QTGAL: variants seen among roughly 807,000 people sequenced by gnomAD.
The protein encoded by QTGAL is queuosine-tRNA galactosyltransferase, also known as BGnT-like protein 1.
At chr17:83,048,632 C>G in the QTGAL span, 1 of 1,607,072 alleles carries the variant, frequency 6.2e-7, no homozygotes, top group East Asian at 2.2e-5. Context: ...GTTGCTTACA[C>G]TGGGGCTGAG....
chr17:82,986,258 C>T, the QTGAL span, among the ~76,000 whole-genome samples: 30 of 152,216 alleles, frequency 2.0e-4, no homozygotes, highest in Non-Finnish European at 3.1e-4. Flanking sequence ...AGCCCGACCC[C>T]GTGGCCACAG....
chr17:82,968,559 G>A, the QTGAL span, among the ~76,000 whole-genome samples: 1 of 145,040 alleles, frequency 6.9e-6, no homozygotes, highest in Non-Finnish European at 1.6e-5. Flanking sequence ...AGGGAAGGGA[G>A]GCAGTCACCA....
the QTGAL span, among the ~76,000 whole-genome samples, chr17:82,969,048 C>T: frequency 3.3e-5 from 5 of 150,880 alleles, no homozygotes; most frequent in South Asian, 6.3e-4. Flanking sequence ...GCAGGAGAAT[C>T]GCTTGAACCC....
chr17:83,037,056 A>G, the QTGAL span, among the ~76,000 whole-genome samples: 2 of 152,262 alleles, frequency 1.3e-5, no homozygotes, highest in South Asian at 2.1e-4. This position sits in a 1 kb window ranked among gnomAD's most constrained non-coding sequence, Gnocchi z 5.2. Context: ...ACAGTTACAG[A>G]CATCATGGCA....
chr17:82,996,341 G>A, the QTGAL span, among the ~76,000 whole-genome samples: 1 of 152,060 alleles, frequency 6.6e-6, no homozygotes, highest in Non-Finnish European at 1.5e-5. Flanking sequence ...TGGCCAATAT[G>A]GTGAAACCCC....
At chr17:82,952,634 T>C in the QTGAL span, among the ~76,000 whole-genome samples, 2 of 152,092 alleles carry the variant, frequency 1.3e-5, no homozygotes, top group Non-Finnish European at 2.9e-5. Flanking sequence ...CACCCCACTG[T>C]CAATATTTGA....
the QTGAL span, chr17:82,961,411 GTCTTGGT>G: frequency 6.8e-5 from 30 of 438,606 alleles, no homozygotes; most frequent in Admixed American, 8.6e-4. Context: ...GGTGGGCTGG[GTCTTGGT>G]TCTGCCCCAA....
chr17:82,943,263 CTG>C, the QTGAL span: 3 of 152,420 alleles, frequency 2.0e-5, no homozygotes, highest in East Asian at 1.9e-4. Context: ...ACCTTTGTCT[CTG>C]TGTCTGAGCT....
At chr17:83,045,841 GT>G in the QTGAL span, among the ~76,000 whole-genome samples, 1 of 144,534 alleles carries the variant, frequency 6.9e-6, no homozygotes, top group Non-Finnish European at 1.5e-5. Flanking sequence ...TTGAGACGGA[GT>G]TTTGCTCTTG....
the QTGAL span, among the ~76,000 whole-genome samples, chr17:83,047,937 AG>A: frequency 6.6e-6 from 1 of 152,118 alleles, no homozygotes; most frequent in Non-Finnish European, 1.5e-5. Flanking sequence ...AGGTCTACTA[AG>A]GTTCTTTCTT....
At chr17:83,017,300 AT>A in the QTGAL span, among the ~76,000 whole-genome samples, 1 of 152,228 alleles carries the variant, frequency 6.6e-6, no homozygotes, top group Non-Finnish European at 1.5e-5. Context: ...ATAGTTAACA[AT>A]AAGTTATTGT....
At chr17:82,962,446 CG>C in the QTGAL span, among the ~76,000 whole-genome samples, 1 of 151,494 alleles carries the variant, frequency 6.6e-6, no homozygotes, top group African/African-American at 2.4e-5. Context: ...CTGTCTCACA[CG>C]GGTGATTTAG....
At chr17:82,954,621 G>GA in the QTGAL span, among the ~76,000 whole-genome samples, 3 of 152,120 alleles carry the variant, frequency 2.0e-5, no homozygotes, top group Non-Finnish European at 4.4e-5. Flanking sequence ...CACAGAACCA[G>GA]AAAAAACTAC....
At chr17:82,961,523 C>G in the QTGAL span, among the ~76,000 whole-genome samples, 1 of 152,194 alleles carries the variant, frequency 6.6e-6, no homozygotes, top group Non-Finnish European at 1.5e-5. Context: ...AGCCACGGCT[C>G]CTGGATGGCT....
the QTGAL span, among the ~76,000 whole-genome samples, chr17:83,009,090 C>T: frequency 1.6e-3 from 245 of 152,234 alleles, no homozygotes; most frequent in Non-Finnish European, 2.9e-3. Context: ...CTCACACCCT[C>T]GAGGTGAGTC....
chr17:82,984,774 G>A, the QTGAL span, among the ~76,000 whole-genome samples: 8 of 152,136 alleles, frequency 5.3e-5, no homozygotes, highest in Non-Finnish European at 1.2e-4. Context: ...GGGAAGCAGG[G>A]ATCCCCCCAG....
the QTGAL span, chr17:82,961,014 C>G: frequency 1.3e-6 from 2 of 1,584,098 alleles, no homozygotes; most frequent in Non-Finnish European, 1.7e-6. Flanking sequence ...CTCCCGTGTT[C>G]CTGGCCTCTC....
chr17:83,038,735 T>C, the QTGAL span, among the ~76,000 whole-genome samples: 25 of 152,088 alleles, frequency 1.6e-4, no homozygotes, highest in African/African-American at 5.1e-4. Context: ...GGCGGGCTCC[T>C]GTAGTCCCAG....
the QTGAL span, among the ~76,000 whole-genome samples, chr17:82,959,412 T>TC: frequency 1.3e-5 from 2 of 151,714 alleles, no homozygotes; most frequent in East Asian, 3.9e-4. Context: ...TGTGTATACT[T>TC]TCGTGCACGT....
Sources: allele counts gnomAD v4.1 joint callset (sites outside exome capture counted in the v4.1 genomes callset), GRCh38; gene constraint gnomAD v4.1.1; non-coding constraint Gnocchi (gnomAD v3.1); transcripts MANE v1.5; gene names NCBI Gene and HGNC (gene_info 2026-07-23, HGNC 2026-07-21).